The following MAGI2 variants were observed in gnomAD, a reference collection of about 807,000 sequenced individuals.
MAGI2 encodes the protein membrane associated guanylate kinase, WW and PDZ domain containing 2, also known as membrane-associated guanylate kinase, WW and PDZ domain-containing protein 2.
In MAGI2, 35 loss-of-function variants were observed where a neutral mutation model predicts 133.3. The ratio of observed to expected loss-of-function variants is 0.26; its 90% confidence interval spans 0.20 to 0.35. MAGI2 has a LOEUF of 0.35. MAGI2 is among the 10% of genes least tolerant of loss of function. The probability of loss-of-function intolerance (pLI) is 1.00; values close to 1 mark genes in which losing one functional copy is unlikely to be tolerated. For missense variants in MAGI2, 1,636 were observed against 1,863.4 expected (o/e 0.88, Z 2.25); for synonymous variants, 729 against 710.6 (o/e 1.03, Z -0.41).
intron 2 of MAGI2, among the ~76,000 whole-genome samples, chr7:78,800,910 G>A (rs39731): frequency 0.86 from 130,900 of 152,046 alleles, 56,748 homozygotes; most frequent in East Asian, 1. Flanking sequence ...GCAACCTCTA[G>A]TTGAAGGGAT....
intron 5 of MAGI2, among the ~76,000 whole-genome samples, chr7:78,492,053 C>T (rs1793672637): frequency 6.6e-6 from 1 of 151,974 alleles, no homozygotes; most frequent in Non-Finnish European, 1.5e-5. Context: ...TTTCTAGGCT[C>T]CTTAGATATA....
intron 21 of MAGI2, among the ~76,000 whole-genome samples, chr7:78,042,932 C>T (rs958253150): frequency 1.1e-4 from 17 of 152,134 alleles, no homozygotes; most frequent in Admixed American, 3.9e-4. Flanking sequence ...TACAATATGC[C>T]GGGATACACC....
intron 21 of MAGI2, among the ~76,000 whole-genome samples, chr7:78,025,710 G>A (rs984017473): frequency 1.3e-5 from 2 of 152,124 alleles, no homozygotes; most frequent in African/African-American, 4.8e-5. Context: ...TATGTGAAGC[G>A]GGAGGGGAAA....
intron 1 of MAGI2, among the ~76,000 whole-genome samples, chr7:79,116,829 A>G (rs571543328): frequency 5.3e-5 from 8 of 152,124 alleles, no homozygotes; most frequent in Non-Finnish European, 8.8e-5. Flanking sequence ...ACCATATGAT[A>G]CACTGGCTCC....
At chr7:79,380,756 G>A (rs1333464655) in intron 1 of MAGI2, among the ~76,000 whole-genome samples, 1 of 151,714 alleles carries the variant, frequency 6.6e-6, no homozygotes, top group East Asian at 1.9e-4. Flanking sequence ...TACACAGGAA[G>A]CAGAACTCAG....
chr7:78,529,079 A>T (rs1021987514), intron 3 of MAGI2, among the ~76,000 whole-genome samples: 7 of 152,208 alleles, frequency 4.6e-5, no homozygotes, highest in Non-Finnish European at 7.3e-5. Context: ...TGGTTTCACA[A>T]TATGATCTCC....
chr7:79,224,612 C>T (rs1376898243), intron 1 of MAGI2, among the ~76,000 whole-genome samples: 1 of 152,036 alleles, frequency 6.6e-6, no homozygotes, highest in Admixed American at 6.6e-5. Flanking sequence ...GGGTTACATC[C>T]ATCAATGGAA....
At chr7:78,642,026 A>G (rs953434587) in intron 2 of MAGI2, among the ~76,000 whole-genome samples, 1 of 152,160 alleles carries the variant, frequency 6.6e-6, no homozygotes, top group African/African-American at 2.4e-5. Flanking sequence ...ATATAAGCAA[A>G]TCTTCTGTGT....
chr7:79,387,644 T>G (rs1157055317), intron 1 of MAGI2, among the ~76,000 whole-genome samples: 1 of 152,072 alleles, frequency 6.6e-6, no homozygotes, highest in Non-Finnish European at 1.5e-5. Flanking sequence ...GTGCTAAATT[T>G]AACTGTTGGC....
rs767312295 is a variant in MAGI2 at position 78,803,247 on chromosome 7, C to CAT, written c.419-176009_419-176008insAT. On this transcript the variant is annotated intron_variant, in intron 2 of 21. Transcript: ENST00000354212. Reference sequence around the variant, plus strand: ...ACATATGTTCTACATAAAGTGTTAACTGCTAATAAGAGCAAGTCAGGAAAA... The same window carrying CAT: ...ACATATGTTCTACATAAAGTGTTAACATTGCTAATAAGAGCAAGTCAGGAAAA... 1.0e-3 allele frequency among the ~76,000 whole-genome samples: 158 copies of CAT among 152,170 alleles called. 3 individuals are homozygous for CAT. The highest frequency in any genetic ancestry group is 1.6e-3 in the Admixed American group (25 of 15,290).
At chr7:78,980,303 C>T (rs928414433) in intron 2 of MAGI2, among the ~76,000 whole-genome samples, 1 of 151,858 alleles carries the variant, frequency 6.6e-6, no homozygotes, top group Admixed American at 6.6e-5. Flanking sequence ...ATTATTATTA[C>T]ACAAACAAAG....
chr7:78,652,674 T>A (rs1172265138), intron 2 of MAGI2, among the ~76,000 whole-genome samples: 1 of 152,054 alleles, frequency 6.6e-6, no homozygotes, highest in Non-Finnish European at 1.5e-5. Context: ...CCTAAAACCA[T>A]GAAAACCGTA....
At chr7:78,052,155 T>C (rs1812077436) in intron 21 of MAGI2, among the ~76,000 whole-genome samples, 1 of 143,312 alleles carries the variant, frequency 7.0e-6, no homozygotes, top group East Asian at 2.1e-4. Flanking sequence ...TGAGCTACTG[T>C]GCCAGCTGTT....
chr7:78,335,303 T>G (rs560250829), intron 9 of MAGI2, among the ~76,000 whole-genome samples: 211 of 152,156 alleles, frequency 1.4e-3, no homozygotes, highest in Non-Finnish European at 2.7e-3. Flanking sequence ...GCTTGGCCAT[T>G]TGCCTGCATG....
At chr7:79,167,153 T>A (rs1253789988) in intron 1 of MAGI2, among the ~76,000 whole-genome samples, 1 of 7,268 alleles carries the variant, frequency 1.4e-4, no homozygotes, top group Admixed American at 2.1e-3. Context: ...AGGGTCTTTG[T>A]TTATATAATT....
At chr7:79,014,175 C>A (rs1206878178) in intron 1 of MAGI2, among the ~76,000 whole-genome samples, 1 of 152,110 alleles carries the variant, frequency 6.6e-6, no homozygotes, top group Non-Finnish European at 1.5e-5. Flanking sequence ...TATTCTCTAG[C>A]TCAATTGAAA....
chr7:78,771,306 G>C (rs1486976488), intron 2 of MAGI2: 1 of 152,096 alleles, frequency 6.6e-6, no homozygotes, highest in Non-Finnish European at 1.5e-5. Context: ...TTATCTACGC[G>C]CCTGTCTCTC....
intron 21 of MAGI2, among the ~76,000 whole-genome samples, chr7:78,057,977 G>GTGTATATATA (rs762943472): frequency 1.9e-5 from 2 of 106,608 alleles, no homozygotes; most frequent in South Asian, 3.2e-4. Context: ...ATATATATGT[G>GTGTATATATA]TATATATATA....
In MAGI2 at chr7:78,384,242, TTG is replaced by T. The variant is rs1422901952; in HGVS notation, c.1046-15031_1046-15030del. Reference sequence around the variant, plus strand: ...CATAGCTTTCATAATGTAACATATTTTGTGAGACTTTTTCAAGAAATATTTAT... The same window carrying T: ...CATAGCTTTCATAATGTAACATATTTTGAGACTTTTTCAAGAAATATTTAT... On this transcript the variant is annotated intron_variant, in intron 6 of 21. Coordinates refer to ENST00000354212, the MANE Select transcript of MAGI2 (RefSeq NM_012301.4). 9.1e-4 allele frequency among the ~76,000 whole-genome samples: 139 copies of T among 152,266 alleles called. 4 individuals carry two copies. The highest frequency in any genetic ancestry group is 9.1e-3 in the Admixed American group (139 of 15,280).
Sources: gnomAD v4.1 joint callset for allele counts (sites outside exome capture counted in the v4.1 genomes callset) on GRCh38, gnomAD v4.1.1 for gene constraint, MANE v1.5 for transcripts, NCBI Gene and HGNC (gene_info 2026-07-23, HGNC 2026-07-21) for gene names.